The following ATP8A2 variants were observed in gnomAD, a reference collection of about 807,000 sequenced individuals.
ATP8A2 encodes phospholipid-transporting ATPase IB.
Under a neutral mutation model 165.6 loss-of-function variants are expected in ATP8A2, and 100 were observed. The ratio of observed to expected loss-of-function variants is 0.60; its 90% CI spans 0.51 to 0.71. ATP8A2 has a LOEUF of 0.71. Ranked by LOEUF, ATP8A2 falls within the 30% of genes least tolerant of loss-of-function variation. The pLI is 0.00. For missense variants in ATP8A2, 1,227 were observed against 1,479.5 expected, an observed-to-expected ratio of 0.83 and a Z score of 2.80; for synonymous variants, 543 against 548.8, an observed-to-expected ratio of 0.99 and a Z score of 0.15.
At chr13:25,806,394 A>G (rs971038466) in intron 27 of ATP8A2, among the ~76,000 whole-genome samples, 1 of 151,990 alleles carries the variant, frequency 6.6e-6, no homozygotes, top group Non-Finnish European at 1.5e-5. Flanking sequence ...GCCCACTTGA[A>G]GGGTTGGTGG....
At chr13:25,648,020 T>G (rs531966571) in intron 24 of ATP8A2, among the ~76,000 whole-genome samples, 27 of 152,192 alleles carry the variant, frequency 1.8e-4, no homozygotes, top group Non-Finnish European at 4.0e-4. Context: ...TTCTGGCCCT[T>G]TTTCTCTTTC....
intron 1 of ATP8A2, among the ~76,000 whole-genome samples, chr13:25,412,833 TG>T (rs903096031): frequency 6.6e-6 from 1 of 151,422 alleles, no homozygotes; most frequent in East Asian, 1.9e-4. Flanking sequence ...CAATTTTTTT[TG>T]GGGGGGGATG....
At chr13:25,558,859 G>T in intron 13 of ATP8A2, 114 bp from the exon 14 acceptor site, 1 of 633,026 alleles carries the variant, frequency 1.6e-6, no homozygotes, top group Non-Finnish European at 2.6e-6. Flanking sequence ...GCTTGCTTTA[G>T]GGAAATCTAC....
chr13:25,667,697 G>T (rs912502807), intron 24 of ATP8A2, among the ~76,000 whole-genome samples: 21 of 151,942 alleles, frequency 1.4e-4, no homozygotes, highest in Admixed American at 5.9e-4. Context: ...AATACAAAAT[G>T]GACTAAGACA....
At chr13:25,583,173 A>G (rs2039822385) in intron 23 of ATP8A2, among the ~76,000 whole-genome samples, 1 of 152,214 alleles carries the variant, frequency 6.6e-6, no homozygotes, top group Admixed American at 6.5e-5. Context: ...TTACAAATGA[A>G]GAATAACACA....
chr13:25,859,436 A>G (rs746261835), intron 30 of ATP8A2, among the ~76,000 whole-genome samples: 2 of 152,204 alleles, frequency 1.3e-5, no homozygotes, highest in Non-Finnish European at 2.9e-5. Context: ...TAAGCCTGAT[A>G]TTAAAATAGG....
intron 33 of ATP8A2, among the ~76,000 whole-genome samples, chr13:25,911,457 C>A (rs1954104610): frequency 6.6e-6 from 1 of 152,106 alleles, no homozygotes; most frequent in Non-Finnish European, 1.5e-5. Context: ...CAAGGCAGCC[C>A]AGTGGGAGTC....
chr13:25,717,161 G>A (rs1244448032), intron 25 of ATP8A2, among the ~76,000 whole-genome samples: 5 of 152,108 alleles, frequency 3.3e-5, no homozygotes, highest in African/African-American at 7.2e-5. Flanking sequence ...TTGTTCATTC[G>A]TTCATTCATT....
At chr13:25,469,855 C>T (rs2035794024) in intron 2 of ATP8A2, among the ~76,000 whole-genome samples, 1 of 152,176 alleles carries the variant, frequency 6.6e-6, no homozygotes, top group Admixed American at 6.5e-5. Flanking sequence ...TTCTGCTGTG[C>T]AAAGCTAGTT....
At chr13:25,395,210 A>G (rs1395846949) in intron 1 of ATP8A2, among the ~76,000 whole-genome samples, 1 of 152,078 alleles carries the variant, frequency 6.6e-6, no homozygotes, top group Non-Finnish European at 1.5e-5. Flanking sequence ...TCCACCCACT[A>G]TTGGCATTCT....
intron 10 of ATP8A2, among the ~76,000 whole-genome samples, chr13:25,545,304 G>A (rs2038612867): frequency 6.6e-6 from 1 of 152,078 alleles, no homozygotes; most frequent in African/African-American, 2.4e-5. Context: ...CTGATCCATC[G>A]CCCCTGCTAG....
intron 2 of ATP8A2, among the ~76,000 whole-genome samples, chr13:25,492,235 T>C (rs2036549124): frequency 6.6e-6 from 1 of 152,118 alleles, no homozygotes; most frequent in African/African-American, 2.4e-5. Context: ...TTTTGTATTT[T>C]TGTAGAGATG....
intron 27 of ATP8A2, among the ~76,000 whole-genome samples, chr13:25,793,619 A>T (rs987864845): frequency 7.2e-5 from 11 of 152,056 alleles, no homozygotes; most frequent in Admixed American, 2.6e-4. Context: ...CATACATACA[A>T]ATACTACATG....
intron 1 of ATP8A2, among the ~76,000 whole-genome samples, chr13:25,451,934 G>A (rs1406369925): frequency 4.7e-5 from 7 of 150,336 alleles, no homozygotes; most frequent in East Asian, 2.0e-4. Context: ...GGCTCACTGT[G>A]ACCTCCGCCT....
intron 24 of ATP8A2, among the ~76,000 whole-genome samples, chr13:25,640,233 A>G (rs1030467502): frequency 3.3e-5 from 5 of 152,228 alleles, no homozygotes; most frequent in African/African-American, 9.6e-5. Flanking sequence ...AGCTAGCAGA[A>G]GGCAAGAAAT....
At chr13:25,517,193 GAC>G (rs1207082217) in intron 2 of ATP8A2, 1 of 150,836 alleles carries the variant, frequency 6.6e-6, no homozygotes, top group Non-Finnish European at 1.5e-5. Context: ...GCGCAAGGAT[GAC>G]ACACACATTC....
chr13:25,998,269 GA>G (rs1956557964), intron 35 of ATP8A2, among the ~76,000 whole-genome samples: 1 of 152,210 alleles, frequency 6.6e-6, no homozygotes, highest in African/African-American at 2.4e-5. Flanking sequence ...TGACATCCCA[GA>G]AGGGAGGGGT....
At chr13:25,909,686 A>G (rs913386067) in intron 33 of ATP8A2, among the ~76,000 whole-genome samples, 2 of 152,192 alleles carry the variant, frequency 1.3e-5, no homozygotes, top group African/African-American at 4.8e-5. Context: ...GTACAATTCA[A>G]TGGCATTAAG....
At chr13:25,507,651 TTC>T (rs2037093773) in intron 2 of ATP8A2, among the ~76,000 whole-genome samples, 2 of 152,156 alleles carry the variant, frequency 1.3e-5, no homozygotes, top group South Asian at 4.1e-4. Context: ...TGAAAATAAA[TTC>T]TGATTGCAGA....
Sources: gnomAD v4.1 joint callset for allele counts (sites outside exome capture counted in the v4.1 genomes callset) on GRCh38, gnomAD v4.1.1 for gene constraint, MANE v1.5 for transcripts, NCBI Gene and HGNC (gene_info 2026-07-23, HGNC 2026-07-21) for gene names.